RARS1: variants seen among roughly 807,000 people sequenced by gnomAD.
The protein encoded by RARS1 is arginyl-tRNA synthetase 1.
RARS1 carries 75 observed loss-of-function variants against 78.7 expected under a neutral mutation model. The ratio of observed to expected loss-of-function variants is 0.95; its 90% CI spans 0.79 to 1.15. The LOEUF (loss-of-function observed/expected upper bound fraction) is 1.15. Among genes scored for constraint, RARS1 ranks in the 50% most tolerant of loss-of-function variants. The probability of loss-of-function intolerance (pLI) is 0.00; values close to 1 mark genes in which losing one functional copy is unlikely to be tolerated. For missense variants in RARS1, 787 were observed against 787.5 expected (o/e 1.00, Z 0.01); for synonymous variants, 273 against 268.2 (o/e 1.02, Z -0.18).
intron 9 of RARS1, among the ~76,000 whole-genome samples, chr5:168,505,714 G>GAAAAAAAAAAAAAAAAAAAAA (rs60743864): frequency 8.8e-6 from 1 of 114,248 alleles, no homozygotes; most frequent in South Asian, 3.1e-4. Flanking sequence ...TATCAAAAAA[G>GAAAAAAAAAAAAAAAAAAAAA]AAAAAAAAAA....
chr5:168,494,541 A>T lies in RARS1; in HGVS notation c.479-9A>T. The stretch of plus-strand genomic sequence containing the variant: ...CAGTATCTGATATTTTTTCTCTTCT[A>T]TCCATTAGGTTTTATTAATGTCCAC... On this transcript the variant is annotated splice_polypyrimidine_tract_variant and intron_variant, in intron 4 of 14. Transcript: ENST00000231572. 1 of 1,605,600 alleles carries T rather than the reference A, an allele frequency of 6.2e-7. No homozygotes were observed. Among genetic ancestry groups the T allele is most frequent in the Non-Finnish European group, 8.5e-7 (1 of 1,172,984 alleles).
intron 9 of RARS1, among the ~76,000 whole-genome samples, chr5:168,502,758 G>A (rs756363471): frequency 2.7e-5 from 4 of 149,898 alleles, no homozygotes; most frequent in Non-Finnish European, 5.9e-5. Flanking sequence ...TTTTAATGGA[G>A]ACAGGGTTCC....
At chr5:168,507,215 G>A (rs925620732) in intron 11 of RARS1, among the ~76,000 whole-genome samples, 5 of 152,174 alleles carry the variant, frequency 3.3e-5, no homozygotes, top group Non-Finnish European at 7.4e-5. Flanking sequence ...ATAGGCAAAA[G>A]GTATAAGTTA....
intron 11 of RARS1, among the ~76,000 whole-genome samples, chr5:168,509,692 AG>A (rs1057044505): frequency 2.0e-5 from 3 of 148,562 alleles, no homozygotes; most frequent in Non-Finnish European, 4.4e-5. Context: ...GAACTGGCCC[AG>A]GTGCAGTGTC....
chr5:168,502,386 T>TA lies in RARS1; in HGVS notation c.1057+281_1057+282insA, dbSNP rs1561823324. On this transcript the variant is annotated intron_variant, in intron 9 of 14. Transcript: ENST00000231572. ...AATATATATATATATATATATATAT[T>TA]TTTTTTTTTTAAAACAATCTTGCTA... 1.8e-3 allele frequency among the ~76,000 whole-genome samples: 182 copies of TA among 100,848 alleles called. 1 individual carries two copies. The highest frequency in any genetic ancestry group is 0.016 in the East Asian group (28 of 1,798). The allele number at this position is 100,848 out of a possible 152,430, so 66.2% of individuals were successfully genotyped here. A position where few individuals can be genotyped will look rare whatever the true frequency, so the allele number is the denominator to read the frequency against.
In RARS1 at chr5:168,516,787, G is replaced by A. The variant is rs1361695763; in HGVS notation, c.1462G>A (p.Ala488Thr). The A allele has an allele frequency of 1.2e-6, 2 of 1,614,124 alleles. No individual in the cohort carries two copies. The highest frequency in any genetic ancestry group is 1.3e-5 in the African/African-American group (1 of 75,054). Residue 488 changes from alanine (A) to threonine (T), a missense_variant, in exon 13 of 15, where the codon GCA becomes ACA. Transcript: ENST00000231572. ...TTTGTTTTTCCCAAAGGTCTTAACTGCAGAGGAATTGAATGCTGCTCAGAC... is the reference window on the plus strand; with the variant it reads ...TTTGTTTTTCCCAAAGGTCTTAACTACAGAGGAATTGAATGCTGCTCAGAC... ...KEKERDKVLT[A>T]EELNAAQTSV...
chr5:168,519,047 CAAGTT>C, intron 14 of RARS1, 29 bp from the exon 15 acceptor site: 3 of 1,548,898 alleles, frequency 1.9e-6, no homozygotes, highest in Non-Finnish European at 2.7e-6. Context: ...AAAAGGAAAA[CAAGTT>C]AATTAACAAC....
chr5:168,501,939 G>C, intron 8 of RARS1, 62 bp from the exon 9 acceptor site: 1 of 1,545,786 alleles, frequency 6.5e-7, no homozygotes, highest in Non-Finnish European at 8.7e-7. Context: ...TAAGATGCAT[G>C]TTTCCTGTTT....
rs1047195043 is a variant in RARS1 at position 168,495,550 on chromosome 5, A to C, written c.701+114A>C. ...GAACATTCGACTAAATCAGTGGTTC[A>C]TCAGCTTAGTTCTTCTTTACAACCA... On this transcript the variant is annotated intron_variant, in intron 6 of 14. Transcript: ENST00000231572. 2.1e-6 allele frequency: 3 copies of C among 1,438,408 alleles called. No homozygotes were observed. In the East Asian group the frequency reaches 7.3e-5, roughly 35 times the overall value. 89.1% of individuals were successfully genotyped at this position (1,438,408 alleles called of 1,614,324 possible).
In RARS1 at chr5:168,497,401, A is replaced by T. The variant is rs902863117; in HGVS notation, c.822+53A>T. Reference sequence around the variant, plus strand: ...TGTGTGTTTACCATTAATCATAATTATCCATTTTCCTTAGGAAACTTAAAA... The same window carrying T: ...TGTGTGTTTACCATTAATCATAATTTTCCATTTTCCTTAGGAAACTTAAAA... On this transcript the variant is annotated intron_variant, in intron 7 of 14. Transcript: ENST00000231572. 4 of 1,361,434 alleles carry T rather than the reference A, an allele frequency of 2.9e-6. No individual in the cohort carries two copies. In the African/African-American group the frequency reaches 4.5e-5, roughly 15 times the overall value. 84.3% of individuals were successfully genotyped at this position (1,361,434 alleles called of 1,614,324 possible). A position where few individuals can be genotyped will look rare whatever the true frequency, so the allele number is the denominator to read the frequency against.
intron 12 of RARS1, among the ~76,000 whole-genome samples, chr5:168,516,027 C>G (rs1174655884): frequency 6.6e-6 from 1 of 152,036 alleles, no homozygotes; most frequent in African/African-American, 2.4e-5. Context: ...TGGGTTCTGT[C>G]CCCTTTGTCC....
intron 8 of RARS1, 95 bp downstream of exon 8, chr5:168,500,815 C>T (rs1758304562): frequency 2.1e-6 from 3 of 1,422,738 alleles, no homozygotes; most frequent in Non-Finnish European, 1.9e-6. Flanking sequence ...GATATTTTAA[C>T]CTTCTAAGGA....
chr5:168,502,849 A>T (rs1561823548), intron 9 of RARS1, among the ~76,000 whole-genome samples: 2 of 151,838 alleles, frequency 1.3e-5, no homozygotes, highest in East Asian at 3.9e-4. Flanking sequence ...TGGATTCATG[A>T]TTTTTTTTAA....
At position 168,518,071 on chromosome 5, in the gene RARS1, C is replaced by CTTTTT. The variant is rs747777615; in HGVS notation, c.1873+29_1873+33dup. ...GAAAGATAGACAGACTGGTGAGTGT[C>CTTTTT]TTTTTTTTTTTTTTTTTTTTTTTTA... On this transcript the variant is annotated intron_variant, in intron 14 of 14. Transcript: ENST00000231572. 4.2e-3 allele frequency: 3,158 copies of CTTTTT among 747,566 alleles called. 306 individuals are homozygous for CTTTTT. Among genetic ancestry groups the CTTTTT allele is most frequent in the African/African-American group, 0.036 (778 of 21,388 alleles). The allele number at this position is 747,566 out of a possible 1,614,324, so 46.3% of individuals were successfully genotyped here.
chr5:168,515,616 G>A (rs190215236), intron 12 of RARS1, among the ~76,000 whole-genome samples: 1 of 152,268 alleles, frequency 6.6e-6, no homozygotes, highest in East Asian at 1.9e-4. Flanking sequence ...TGATTATCTT[G>A]ACCCTGTTTG....
intron 13 of RARS1, among the ~76,000 whole-genome samples, chr5:168,517,405 A>C (rs1363311180): frequency 6.6e-6 from 1 of 152,136 alleles, no homozygotes; most frequent in Non-Finnish European, 1.5e-5. Context: ...GGCCTCCCAA[A>C]GTGCTCGGAT....
chr5:168,493,961 C>T lies in RARS1; in HGVS notation c.437C>T (p.Pro146Leu). 1 of 1,613,390 alleles carries T rather than the reference C, an allele frequency of 6.2e-7. No homozygotes were observed. Among genetic ancestry groups the T allele is most frequent in the Non-Finnish European group, 8.5e-7 (1 of 1,179,410 alleles). The change falls in exon 4 of 15, where the codon CCA (proline) becomes CTA (leucine). Residue 146 changes from proline to leucine, a missense_variant. Coordinates refer to ENST00000231572, the MANE Select transcript of RARS1 (RefSeq NM_002887.4). ...EIAENITKHL[P>L]DNECIEKVEI... ...GCTGAAAACATTACCAAACACCTCC[C>T]AGACAATGAATGTATTGAAAAAGTT... is the stretch of plus-strand genomic sequence containing the variant.
chr5:168,487,821 A>G (rs1337430613), intron 1 of RARS1, among the ~76,000 whole-genome samples: 2 of 152,234 alleles, frequency 1.3e-5, no homozygotes, highest in East Asian at 3.8e-4. Context: ...GGTCTAGTCT[A>G]GGACCTAAGA....
Position 168,486,557 on chromosome 5 carries a change from A to G in RARS1, c.45+14A>G. Reference sequence around the variant, plus strand: ...CTGCTGCAGCAGGTTTGGACGCAGGAGACCGGCGGGAAGGCCTGAAAGAGA... The same window carrying G: ...CTGCTGCAGCAGGTTTGGACGCAGGGGACCGGCGGGAAGGCCTGAAAGAGA... On this transcript the variant is annotated intron_variant, in intron 1 of 14. Coordinates refer to ENST00000231572, the MANE Select transcript of RARS1 (RefSeq NM_002887.4). The G allele has an allele frequency of 2.6e-6, 4 of 1,554,916 alleles. No homozygotes were observed. The highest frequency in any genetic ancestry group is 2.6e-6 in the Non-Finnish European group (3 of 1,148,456).
Sources: gnomAD v4.1 joint callset for allele counts (sites outside exome capture counted in the v4.1 genomes callset) on GRCh38, gnomAD v4.1.1 for gene constraint, MANE v1.5 for transcripts, NCBI Gene and HGNC (gene_info 2026-07-23, HGNC 2026-07-21) for gene names.